SORCS1: variants seen among roughly 807,000 people sequenced by gnomAD.
SORCS1 encodes sortilin related VPS10 domain containing receptor 1, also known as VPS10 domain-containing receptor SorCS1.
A neutral mutation model predicts 146.1 loss-of-function variants in SORCS1; 60 were observed. The observed-to-expected ratio is 0.41, with a 90% confidence interval of 0.33 to 0.51. SORCS1 has a LOEUF of 0.51. Ranked by LOEUF, SORCS1 falls within the 20% of genes least tolerant of loss-of-function variation. The pLI is 0.21. For missense variants in SORCS1, 1,352 were observed against 1,487.6 expected (o/e 0.91, Z 1.50); for synonymous variants, 637 against 584.0 (o/e 1.09, Z -1.31).
At chr10:107,065,423 C>CTTTCTTTCT (rs2134141820) in intron 1 of SORCS1, among the ~76,000 whole-genome samples, 1 of 140,380 alleles carries the variant, frequency 7.1e-6, no homozygotes, top group South Asian at 2.3e-4. Context: ...TCTTTTCTTT[C>CTTTCTTTCT]TTTCTTTCTT....
intron 3 of SORCS1, among the ~76,000 whole-genome samples, chr10:106,802,775 A>T (rs1056583691): frequency 6.6e-6 from 1 of 151,888 alleles, no homozygotes; most frequent in African/African-American, 2.4e-5. Flanking sequence ...CTGGAATTAC[A>T]GGCGTGAGCC....
At chr10:106,934,756 T>C (rs1188126079) in intron 2 of SORCS1, among the ~76,000 whole-genome samples, 1 of 152,152 alleles carries the variant, frequency 6.6e-6, no homozygotes, top group Non-Finnish European at 1.5e-5. Flanking sequence ...ATAATGTCCT[T>C]TGCAGCAACT....
chr10:106,951,249 C>T (rs1435923886), intron 2 of SORCS1, among the ~76,000 whole-genome samples: 2 of 152,100 alleles, frequency 1.3e-5, no homozygotes, highest in African/African-American at 4.8e-5. Context: ...CGGTGGTTAA[C>T]GCCTGTAATC....
chr10:106,960,473 C>T lies in SORCS1; in HGVS notation c.559-3893G>A, dbSNP rs1156372145. ...AGGCTGGAGTGCAGTGGCGTGATCT[C>T]GGCTCACTGCAACCTCCGCCTCACA... On this transcript the variant is annotated intron_variant, in intron 1 of 25. Coordinates refer to ENST00000263054, the MANE Select transcript of SORCS1 (RefSeq NM_052918.5). This position sits in a 1 kb window ranked among gnomAD's most constrained non-coding sequence, Gnocchi z 4.4. 3.3e-5 allele frequency among the ~76,000 whole-genome samples: 5 copies of T among 151,440 alleles called. No homozygotes were observed. Among genetic ancestry groups the T allele is most frequent in the Non-Finnish European group, 5.9e-5 (4 of 67,948 alleles).
intron 1 of SORCS1, among the ~76,000 whole-genome samples, chr10:107,093,322 T>A (rs762478037): frequency 3.3e-5 from 5 of 152,160 alleles, no homozygotes; most frequent in Admixed American, 2.6e-4. Context: ...CTGAATGACA[T>A]CTCTTCATTA....
chr10:106,614,171 A>T (rs896770018), intron 21 of SORCS1, among the ~76,000 whole-genome samples: 26 of 152,204 alleles, frequency 1.7e-4, no homozygotes, highest in African/African-American at 6.0e-4. Flanking sequence ...TGAGTCATTT[A>T]TAATTAATAA....
At position 106,735,339 on chromosome 10, in the gene SORCS1, A is replaced by T. The variant is rs1856876000; in HGVS notation, c.960-5225T>A. On this transcript the variant is annotated intron_variant, in intron 5 of 25. Coordinates refer to ENST00000263054, the MANE Select transcript of SORCS1 (RefSeq NM_052918.5). ...GAAACATTCCAAACCCCTACTATGAAATAAGAATGAGGGCTACATAATTAC... is the reference window on the plus strand; with the variant it reads ...GAAACATTCCAAACCCCTACTATGATATAAGAATGAGGGCTACATAATTAC... Among the ~76,000 whole-genome samples, 5 of 152,250 alleles carry T rather than the reference A, an allele frequency of 3.3e-5. No individual in the cohort carries two copies. The South Asian group carries it at 1.0e-3, about 32-fold the overall frequency.
intron 1 of SORCS1, among the ~76,000 whole-genome samples, chr10:107,032,093 C>T (rs1007732204): frequency 6.6e-6 from 1 of 152,164 alleles, no homozygotes; most frequent in African/African-American, 2.4e-5. Flanking sequence ...AGCCTTACTG[C>T]TTCTCTGTGG....
At chr10:106,849,133 G>C (rs945349465) in intron 2 of SORCS1, among the ~76,000 whole-genome samples, 4 of 146,042 alleles carry the variant, frequency 2.7e-5, no homozygotes, top group Non-Finnish European at 4.6e-5. Flanking sequence ...ACGTTGGCCT[G>C]CCTTGCTAGA....
intron 2 of SORCS1, among the ~76,000 whole-genome samples, chr10:106,883,077 T>G (rs1387341459): frequency 6.6e-5 from 10 of 152,244 alleles, no homozygotes; most frequent in Non-Finnish European, 1.2e-4. Flanking sequence ...CCAGCATCTT[T>G]GGAGATATCC....
At chr10:106,972,609 A>G (rs1327235064) in intron 1 of SORCS1, among the ~76,000 whole-genome samples, 1 of 151,970 alleles carries the variant, frequency 6.6e-6, no homozygotes, top group African/African-American at 2.4e-5. Flanking sequence ...TTGAATCTGA[A>G]CAGTCTGAGT....
At chr10:106,610,059 G>A (rs1846871094) in intron 22 of SORCS1, among the ~76,000 whole-genome samples, 1 of 152,162 alleles carries the variant, frequency 6.6e-6, no homozygotes, top group Admixed American at 6.5e-5. Flanking sequence ...ATTCCTTTTA[G>A]GGTTGTAGTC....
At chr10:106,727,505 T>C (rs1856288901) in intron 6 of SORCS1, among the ~76,000 whole-genome samples, 1 of 152,232 alleles carries the variant, frequency 6.6e-6, no homozygotes, top group East Asian at 1.9e-4. Flanking sequence ...AGATGTGTGC[T>C]ACCATTCCTG....
intron 1 of SORCS1, among the ~76,000 whole-genome samples, chr10:107,128,948 A>C (rs1040186152): frequency 2.0e-5 from 3 of 152,218 alleles, no homozygotes; most frequent in Admixed American, 6.5e-5. Context: ...GGTCTGCCTA[A>C]AAACATATAA....
At chr10:106,790,299 C>A (rs559029914) in intron 3 of SORCS1, among the ~76,000 whole-genome samples, 1 of 152,076 alleles carries the variant, frequency 6.6e-6, no homozygotes, top group Admixed American at 6.5e-5. Flanking sequence ...TCCTGATGCT[C>A]ACCACACAGA....
At chr10:107,010,194 T>C (rs963099670) in intron 1 of SORCS1, among the ~76,000 whole-genome samples, 6 of 152,256 alleles carry the variant, frequency 3.9e-5, no homozygotes, top group African/African-American at 9.6e-5. Context: ...CATGAACTTA[T>C]ACATTTGTTA....
At chr10:106,816,809 G>C (rs532131755) in intron 3 of SORCS1, among the ~76,000 whole-genome samples, 7 of 152,232 alleles carry the variant, frequency 4.6e-5, no homozygotes, top group Middle Eastern at 6.8e-3. Flanking sequence ...GTTGCAATGG[G>C]CATCGAGCCA....
chr10:106,988,043 T>G (rs1410588522), intron 1 of SORCS1, among the ~76,000 whole-genome samples: 1 of 152,188 alleles, frequency 6.6e-6, no homozygotes, highest in African/African-American at 2.4e-5. Context: ...CTCACTATAT[T>G]ACAGAAGAAT....
intron 1 of SORCS1, among the ~76,000 whole-genome samples, chr10:106,988,443 C>T (rs2139433280): frequency 6.6e-6 from 1 of 152,278 alleles, no homozygotes; most frequent in South Asian, 2.1e-4. Flanking sequence ...TTACAGCAGT[C>T]TCTCAGTTGG....
Sources: allele counts gnomAD v4.1 joint callset (sites outside exome capture counted in the v4.1 genomes callset), GRCh38; gene constraint gnomAD v4.1.1; non-coding constraint Gnocchi (gnomAD v3.1); transcripts MANE v1.5; gene names NCBI Gene and HGNC (gene_info 2026-07-23, HGNC 2026-07-21).